The following ZNF316 variants were observed in gnomAD, a reference collection of about 807,000 sequenced individuals.
ZNF316 encodes the protein zinc finger protein 316.
A neutral mutation model predicts 75.6 loss-of-function variants in ZNF316; 23 were observed. The ratio of observed to expected loss-of-function variants is 0.30; its 90% CI spans 0.22 to 0.43. The LOEUF (loss-of-function observed/expected upper bound fraction) is 0.43, where lower values mean the gene tolerates loss of function less well. Among genes scored for constraint, ZNF316 ranks in the 20% least tolerant of loss-of-function variants. The pLI, the probability that ZNF316 is intolerant of heterozygous loss-of-function variation, is 1.00. For synonymous variants in ZNF316, 827 were observed against 666.2 expected (o/e 1.24, Z -3.72); for missense variants, 1,266 against 1,409.4 (o/e 0.90, Z 1.63).
At position 6,657,218 on chromosome 7, in the gene ZNF316, G is replaced by T. The variant is rs369211375; in HGVS notation, c.*2607G>T. Among the ~76,000 whole-genome samples the T allele has an allele frequency of 6.7e-5, 10 of 149,214 alleles. No homozygotes were observed. The East Asian group carries it at 1.2e-3, about 18-fold the overall frequency. Reference sequence around the variant, plus strand: ...AGCATATTGGCCAGGCTGGTCTTGAGCTCCTGATCTTGTGATCTGCCTGTC... The same window carrying T: ...AGCATATTGGCCAGGCTGGTCTTGATCTCCTGATCTTGTGATCTGCCTGTC... On this transcript the variant is annotated 3_prime_UTR_variant, in exon 9 of 9. Transcript: ENST00000382252.
chr7:6,653,190 G>A lies in ZNF316; in HGVS notation c.1594G>A (p.Asp532Asn). Reference sequence around the variant, plus strand: ...GACGGCGGCCGCCGCGGGGCCCGAGGACACGGACCCTGGGCCAGAGGGATC... The same window carrying A: ...GACGGCGGCCGCCGCGGGGCCCGAGAACACGGACCCTGGGCCAGAGGGATC... ...GETAAAAGPE[D>N]TDPGPEGSEV... Residue 532 changes from aspartate to asparagine, a missense_variant, in exon 9 of 9, where the codon GAC (aspartate) becomes AAC (asparagine). Around this residue, in one of 3 missense-constraint regions of ZNF316, gnomAD observed 961 missense variants for 990.9 expected, o/e 0.97. Transcript: ENST00000382252. 1 of 1,216,498 alleles carries A rather than the reference G, an allele frequency of 8.2e-7. No individual in the cohort carries two copies. Among genetic ancestry groups the A allele is most frequent in the Non-Finnish European group, 1.0e-6 (1 of 978,438 alleles). The allele number at this position is 1,216,498 out of a possible 1,614,324, so 75.4% of individuals were successfully genotyped here.
intron 8 of ZNF316, among the ~76,000 whole-genome samples, chr7:6,646,877 G>A (rs1378812189): frequency 6.6e-6 from 1 of 152,096 alleles, no homozygotes. Flanking sequence ...GATGAGTTGG[G>A]CCACACATGA....
At position 6,644,894 on chromosome 7, in the gene ZNF316, A is replaced by G. The variant is rs138807991; in HGVS notation, c.706+301A>G. Among the ~76,000 whole-genome samples the G allele has an allele frequency of 2.0e-5, 3 of 152,306 alleles. No individual in the cohort carries two copies. In the East Asian group the frequency reaches 5.8e-4, roughly 29 times the overall value. On this transcript the variant is annotated intron_variant, in intron 8 of 8. Coordinates refer to ENST00000382252, the MANE Select transcript of ZNF316 (RefSeq NM_001278559.2). The stretch of plus-strand genomic sequence containing the variant: ...CAGGTGGTCGGCTGAGCCAGGGCAG[A>G]CCCAGGAGCCCAGCACGCCATCGCG...
At chr7:6,643,367 G>T (rs971206804) in intron 6 of ZNF316, among the ~76,000 whole-genome samples, 3 of 152,358 alleles carry the variant, frequency 2.0e-5, no homozygotes, top group African/African-American at 7.2e-5. Context: ...CCCAAGGCTG[G>T]CCCTCCCCTC....
chr7:6,642,624 T>A lies in ZNF316; in HGVS notation c.215T>A (p.Val72Glu), dbSNP rs1160380696. 42 of 1,231,374 alleles carry A rather than the reference T, an allele frequency of 3.4e-5. No individual in the cohort carries two copies. Among genetic ancestry groups the A allele is most frequent in the Non-Finnish European group, 4.1e-5 (40 of 987,104 alleles). 76.3% of individuals were successfully genotyped at this position (1,231,374 alleles called of 1,614,324 possible). A position where few individuals can be genotyped will look rare whatever the true frequency, so the allele number is the denominator to read the frequency against. Residue 72 changes from valine to glutamate, a missense_variant, in exon 5 of 9, where the codon GTG (valine) becomes GAG (glutamate). Val to Glu is a moderately radical substitution (Grantham distance 121, BLOSUM62 -2). This residue lies in a region of ZNF316 where 961 missense variants were observed against 990.9 expected (regional missense o/e 0.97). Coordinates refer to ENST00000382252, the MANE Select transcript of ZNF316 (RefSeq NM_001278559.2). This position sits in a 1 kb window ranked among gnomAD's most constrained non-coding sequence, Gnocchi z 8.1. Reference sequence around the variant, plus strand: ...GTGCAGGATGCGCAGGTGGAGGCGGTGGCCGAGGTGGAGGTGGAGGCGGAC... The same window carrying A: ...GTGCAGGATGCGCAGGTGGAGGCGGAGGCCGAGGTGGAGGTGGAGGCGGAC... ...EVVQDAQVEA[V>E]AEVEVEADVE... is the part of the protein sequence containing the mutation.
chr7:6,644,417 G>A (rs1206410431), intron 7 of ZNF316, 63 bp from the exon 8 acceptor site: 3 of 899,298 alleles, frequency 3.3e-6, no homozygotes, highest in African/African-American at 1.7e-5. Context: ...GGCACAGCAC[G>A]GGCTGCAGGG....
rs1393365556 is a variant in ZNF316, at chr7:6,652,850, G to T, written c.1254G>T (p.Thr418=). The T allele has an allele frequency of 9.6e-6, 12 of 1,248,826 alleles. No homozygotes were observed. In the African/African-American group the frequency reaches 1.7e-4, roughly 18 times the overall value. 77.4% of individuals were successfully genotyped at this position (1,248,826 alleles called of 1,614,324 possible). The part of the protein sequence containing the change: ...KRFVYKSHLV[T]HRRIHTGERP... ...TCGTCTACAAGTCGCACCTGGTTACGCACCGACGCATCCATACTGGCGAGC... is the reference window on the plus strand; with the variant it reads ...TCGTCTACAAGTCGCACCTGGTTACTCACCGACGCATCCATACTGGCGAGC... Residue 418 remains threonine, a synonymous_variant, in exon 9 of 9, where the codon ACG becomes ACT. Transcript: ENST00000382252.
At chr7:6,650,011 TC>T (rs1248944514) in intron 8 of ZNF316, among the ~76,000 whole-genome samples, 1 of 152,222 alleles carries the variant, frequency 6.6e-6, no homozygotes, top group Non-Finnish European at 1.5e-5. Flanking sequence ...AGGCTTATTA[TC>T]CAGTAAATGC....
At chr7:6,645,203 A>G (rs944159988) in intron 8 of ZNF316, among the ~76,000 whole-genome samples, 1 of 152,092 alleles carries the variant, frequency 6.6e-6, no homozygotes, top group African/African-American at 2.4e-5. Context: ...ATTGAACTCA[A>G]CTCAGGTTCC....
In ZNF316 at chr7:6,652,402, T is replaced by C. The variant is rs1433589123; in HGVS notation, c.806T>C (p.Leu269Pro). ...GAGGAGGAGAACGAGCCCCCAGGGC[T>C]CTGGTCGGCGGCCTACGGCGTGGGG... ...VAEEENEPPG[L>P]WSAAYGVGDV... Residue 269 changes from leucine (L) to proline (P), a missense_variant, in exon 9 of 9, where the codon CTC becomes CCC. Coordinates refer to ENST00000382252, the MANE Select transcript of ZNF316 (RefSeq NM_001278559.2). The C allele has an allele frequency of 4.9e-6, 6 of 1,232,310 alleles. No individual in the cohort carries two copies. The highest frequency in any genetic ancestry group is 6.1e-6 in the Non-Finnish European group (6 of 988,092). The allele number at this position is 1,232,310 out of a possible 1,614,324, so 76.3% of individuals were successfully genotyped here.
In ZNF316 at chr7:6,640,549, T is replaced by C. The variant is rs1468261817; in HGVS notation, c.-166-1276T>C. On this transcript the variant is annotated intron_variant, in intron 3 of 8. Coordinates refer to ENST00000382252, the MANE Select transcript of ZNF316 (RefSeq NM_001278559.2). The surrounding 1 kb of genome is among the most constrained non-coding windows in gnomAD (Gnocchi z 5.1). Reference sequence around the variant, plus strand: ...AAGATTCAGGAGGGACCCACCCCCATGATCCAGTCACCTCCCACCAGGCCC... The same window carrying C: ...AAGATTCAGGAGGGACCCACCCCCACGATCCAGTCACCTCCCACCAGGCCC... Among the ~76,000 whole-genome samples, 11 of 152,204 alleles carry C rather than the reference T, an allele frequency of 7.2e-5. No homozygotes were observed. Among genetic ancestry groups the C allele is most frequent in the Admixed American group, 7.2e-4 (11 of 15,280 alleles).
chr7:6,638,459 GCT>G (rs1273261508), intron 2 of ZNF316, among the ~76,000 whole-genome samples: 1 of 152,204 alleles, frequency 6.6e-6, no homozygotes, highest in African/African-American at 2.4e-5. Context: ...CACATCTCCC[GCT>G]CTCTGAGTTG....
intron 8 of ZNF316, among the ~76,000 whole-genome samples, chr7:6,645,939 G>A (rs1292725321): frequency 2.4e-4 from 36 of 147,024 alleles, no homozygotes; most frequent in Admixed American, 7.0e-5. Context: ...GGTTGCAGTG[G>A]GCCAAGACTG....
chr7:6,650,603 G>A (rs1307316915), intron 8 of ZNF316, among the ~76,000 whole-genome samples: 1 of 152,150 alleles, frequency 6.6e-6, no homozygotes, highest in Admixed American at 6.5e-5. Context: ...GGGGCTACCC[G>A]AGGCCTACTG....
At chr7:6,641,617 T>G (rs1310114655) in intron 3 of ZNF316, among the ~76,000 whole-genome samples, 1 of 152,184 alleles carries the variant, frequency 6.6e-6, no homozygotes, top group East Asian at 1.9e-4. Context: ...AGTGAGAGAG[T>G]AGGACGCTGT....
chr7:6,651,942 C>T (rs542712491), intron 8 of ZNF316, among the ~76,000 whole-genome samples: 4 of 152,280 alleles, frequency 2.6e-5, no homozygotes, highest in South Asian at 2.1e-4. Flanking sequence ...GTTTAACCTT[C>T]GGTCGCACCC....
At chr7:6,645,510 C>T (rs995230137) in intron 8 of ZNF316, among the ~76,000 whole-genome samples, 1 of 150,850 alleles carries the variant, frequency 6.6e-6, no homozygotes, top group Admixed American at 6.6e-5. Flanking sequence ...ATGGCAAAAC[C>T]CCATCACTAC....
Position 6,639,562 on chromosome 7 carries a change from T to C in ZNF316, c.-167+421T>C, listed in dbSNP as rs962596827. Among the ~76,000 whole-genome samples, 1 of 152,100 alleles carries C rather than the reference T, an allele frequency of 6.6e-6. No individual in the cohort carries two copies. Among genetic ancestry groups the C allele is most frequent in the Non-Finnish European group, 1.5e-5 (1 of 67,984 alleles). ...AACACACACACGGCCTGAGATGAGA[T>C]GAACATGCAGCCACTTTATTCCAAA... On this transcript the variant is annotated intron_variant, in intron 3 of 8. Transcript: ENST00000382252. The surrounding 1 kb of genome is among the most constrained non-coding windows in gnomAD (Gnocchi z 4.2).
At chr7:6,652,191 A>G in intron 8 of ZNF316, 112 bp from the exon 9 acceptor site, 2 of 1,015,822 alleles carry the variant, frequency 2.0e-6, no homozygotes, top group Non-Finnish European at 2.5e-6. Flanking sequence ...GACTGAAGGA[A>G]GGTCCTGCTG....
Sources: allele counts gnomAD v4.1 joint callset (sites outside exome capture counted in the v4.1 genomes callset), GRCh38; gene constraint gnomAD v4.1.1; regional missense constraint gnomAD v4.1.1; non-coding constraint Gnocchi (gnomAD v3.1); transcripts MANE v1.5; gene names NCBI Gene and HGNC (gene_info 2026-07-23, HGNC 2026-07-21).